Variants in ARHGAP20 observed in about 807,000 individuals in gnomAD.
The protein encoded by ARHGAP20 is Rho GTPase activating protein 20, also known as rho GTPase-activating protein 20.
ARHGAP20 carries 34 observed loss-of-function variants against 73.7 expected under a neutral mutation model. That is an observed-to-expected ratio of 0.46 (90% CI 0.35 to 0.61). ARHGAP20 has a LOEUF of 0.61. Among genes scored for constraint, ARHGAP20 ranks in the 20% least tolerant of loss-of-function variants. ARHGAP20 has a pLI of 0.00. For synonymous variants in ARHGAP20, 523 were observed against 518.2 expected (o/e 1.01, Z -0.13); for missense variants, 1,314 against 1,420.9 (o/e 0.92, Z 1.21).
chr11:110,610,977 GAGA>G (rs1357785994), intron 7 of ARHGAP20, among the ~76,000 whole-genome samples: 3 of 152,022 alleles, frequency 2.0e-5, no homozygotes. Context: ...GTAGCAAGGG[GAGA>G]AGGAGGATGA....
intron 2 of ARHGAP20, among the ~76,000 whole-genome samples, chr11:110,665,239 A>G (rs189280348): frequency 1.2e-4 from 18 of 152,212 alleles, no homozygotes; most frequent in African/African-American, 2.7e-4. Flanking sequence ...CTTTTTAGAC[A>G]TATTAGAAAA....
intron 2 of ARHGAP20, among the ~76,000 whole-genome samples, chr11:110,655,428 T>C (rs1168415510): frequency 6.6e-6 from 1 of 152,174 alleles, no homozygotes; most frequent in Non-Finnish European, 1.5e-5. Context: ...ATATGTGAAT[T>C]ACAGCTAGGA....
At chr11:110,692,995 T>A (rs1204206753) in intron 1 of ARHGAP20, among the ~76,000 whole-genome samples, 3 of 151,938 alleles carry the variant, frequency 2.0e-5, no homozygotes, top group Non-Finnish European at 2.9e-5. Context: ...AACTTTCTGA[T>A]GTAAGAAAAT....
chr11:110,606,492 A>T, intron 9 of ARHGAP20, 69 bp downstream of exon 9: 1 of 1,462,292 alleles, frequency 6.8e-7, no homozygotes, highest in Non-Finnish European at 9.2e-7. Context: ...ATCTGGCGGG[A>T]GGTTTGAGTC....
At chr11:110,625,305 G>A (rs9787827) in intron 3 of ARHGAP20, among the ~76,000 whole-genome samples, 2 of 151,558 alleles carry the variant, frequency 1.3e-5, no homozygotes, top group African/African-American at 4.8e-5. Flanking sequence ...CCAAAGTGCT[G>A]GGATTACAGG....
chr11:110,633,585 G>A (rs371555007), intron 2 of ARHGAP20, among the ~76,000 whole-genome samples: 3 of 152,132 alleles, frequency 2.0e-5, no homozygotes, highest in African/African-American at 4.8e-5. Context: ...AGTAGAAACT[G>A]TACTTCAGAT....
intron 14 of ARHGAP20, among the ~76,000 whole-genome samples, chr11:110,581,736 T>C (rs1947474260): frequency 6.6e-6 from 1 of 152,208 alleles, no homozygotes; most frequent in South Asian, 2.1e-4. Flanking sequence ...GACAATGATG[T>C]TCAGTGGCAT....
chr11:110,601,485 A>G (rs1948107966), intron 9 of ARHGAP20, among the ~76,000 whole-genome samples: 1 of 152,242 alleles, frequency 6.6e-6, no homozygotes, highest in South Asian at 2.1e-4. Context: ...AAAGTCTGGT[A>G]GAATATAGAG....
intron 8 of ARHGAP20, among the ~76,000 whole-genome samples, chr11:110,608,034 C>A (rs554663404): frequency 6.6e-6 from 1 of 152,308 alleles, no homozygotes; most frequent in South Asian, 2.1e-4. Flanking sequence ...TGCATGATCA[C>A]TTTCTGTATT....
intron 6 of ARHGAP20, among the ~76,000 whole-genome samples, chr11:110,611,632 C>T (rs1948369043): frequency 6.6e-6 from 1 of 151,982 alleles, no homozygotes; most frequent in African/African-American, 2.4e-5. Flanking sequence ...AAAGCTTAAG[C>T]AAATAAGAAA....
At chr11:110,637,589 G>A (rs1452753782) in intron 2 of ARHGAP20, among the ~76,000 whole-genome samples, 1 of 152,112 alleles carries the variant, frequency 6.6e-6, no homozygotes, top group Non-Finnish European at 1.5e-5. Context: ...ATTTGTAATA[G>A]TGATAAGGGC....
intron 10 of ARHGAP20, 133 bp downstream of exon 10, chr11:110,591,844 G>T: frequency 2.2e-6 from 2 of 908,756 alleles, no homozygotes; most frequent in Non-Finnish European, 3.3e-6. Context: ...TTATTTGGAG[G>T]AATAATAGTG....
intron 2 of ARHGAP20, among the ~76,000 whole-genome samples, chr11:110,664,709 CAG>C (rs1949685867): frequency 8.2e-6 from 1 of 122,502 alleles, no homozygotes; most frequent in African/African-American, 3.2e-5. Flanking sequence ...GCCTGGGCGA[CAG>C]AGTGAGACTC....
At chr11:110,607,907 T>C (rs978313924) in intron 8 of ARHGAP20, among the ~76,000 whole-genome samples, 2 of 152,166 alleles carry the variant, frequency 1.3e-5, no homozygotes, top group Non-Finnish European at 2.9e-5. Context: ...CATTAATATA[T>C]TTTATTAAAA....
Position 110,579,363 on chromosome 11 carries a change from A to G in ARHGAP20, c.*7T>C. On this transcript the variant is annotated 3_prime_UTR_variant, in exon 15 of 15. Transcript: ENST00000683387. ...CTGTTCTTGTGGACATCAGATTCTTACTATGCTTAAATGTCTTTGGTTAAA... is the reference window on the plus strand; with the variant it reads ...CTGTTCTTGTGGACATCAGATTCTTGCTATGCTTAAATGTCTTTGGTTAAA... 6.4e-7 allele frequency: 1 copy of G among 1,572,152 alleles called. No homozygotes were observed. The highest frequency in any genetic ancestry group is 8.7e-7 in the Non-Finnish European group (1 of 1,152,874).
In ARHGAP20 at chr11:110,700,235, G is replaced by GA. The variant is rs571417220; in HGVS notation, c.106-9607dup. On this transcript the variant is annotated intron_variant, in intron 1 of 14. Transcript: ENST00000683387. ...TGTTTTGTTCCAGTCACTTTATGAG[G>GA]AAAAAAAATCAAGCATTTCAGTTGA... Among the ~76,000 whole-genome samples the GA allele has an allele frequency of 3.5e-3, 538 of 151,678 alleles. 5 individuals carry two copies. The highest frequency in any genetic ancestry group is 0.012 in the African/African-American group (513 of 41,406).
intron 3 of ARHGAP20, among the ~76,000 whole-genome samples, chr11:110,629,114 T>G (rs1948808188): frequency 6.6e-6 from 1 of 152,144 alleles, no homozygotes; most frequent in South Asian, 2.1e-4. Context: ...GTCTTTAAGA[T>G]CTTAAAGTTT....
intron 2 of ARHGAP20, among the ~76,000 whole-genome samples, chr11:110,640,692 T>C (rs1949059566): frequency 6.8e-6 from 1 of 147,286 alleles, no homozygotes; most frequent in South Asian, 2.1e-4. Context: ...GAAAATAACA[T>C]GTAGTGATTA....
chr11:110,671,372 C>CA (rs1029620902), intron 2 of ARHGAP20, among the ~76,000 whole-genome samples: 2 of 151,914 alleles, frequency 1.3e-5, no homozygotes, highest in African/African-American at 4.8e-5. Flanking sequence ...GAACACCTAC[C>CA]AAAAAATCCT....
Sources: allele counts gnomAD v4.1 joint callset (sites outside exome capture counted in the v4.1 genomes callset), GRCh38; gene constraint gnomAD v4.1.1; transcripts MANE v1.5; gene names NCBI Gene and HGNC (gene_info 2026-07-23, HGNC 2026-07-21).